DGKB: variants seen among roughly 807,000 people sequenced by gnomAD.
The protein encoded by DGKB is 90 kDa diacylglycerol kinase.
A neutral mutation model predicts 114.3 loss-of-function variants in DGKB; 67 were observed. The ratio of observed to expected loss-of-function variants is 0.59; its 90% confidence interval spans 0.48 to 0.72. The LOEUF is 0.72. DGKB is among the 30% of genes least tolerant of loss of function. The pLI is 0.00. For synonymous variants in DGKB, 398 were observed against 323.1 expected (o/e 1.23, Z -2.49); for missense variants, 907 against 975.2 (o/e 0.93, Z 0.93).
intron 21 of DGKB, among the ~76,000 whole-genome samples, chr7:14,392,233 T>C (rs551184630): frequency 1.6e-4 from 25 of 152,120 alleles, no homozygotes; most frequent in Non-Finnish European, 3.1e-4. Flanking sequence ...CTAACATATA[T>C]AGAGAAATAT....
intron 21 of DGKB, among the ~76,000 whole-genome samples, chr7:14,354,178 A>G (rs768528780): frequency 6.6e-6 from 1 of 152,186 alleles, no homozygotes; most frequent in Non-Finnish European, 1.5e-5. Context: ...TTTCTCTATA[A>G]TATAAATAGG....
intron 20 of DGKB, among the ~76,000 whole-genome samples, chr7:14,534,055 T>C (rs1202821659): frequency 1.3e-5 from 2 of 152,070 alleles, no homozygotes; most frequent in Non-Finnish European, 2.9e-5. Flanking sequence ...TTTTAAATAC[T>C]AGTAAAAAAT....
At chr7:14,653,478 G>T (rs1815055860) in intron 13 of DGKB, among the ~76,000 whole-genome samples, 1 of 151,706 alleles carries the variant, frequency 6.6e-6, no homozygotes, top group African/African-American at 2.4e-5. Flanking sequence ...ACACAGGAAG[G>T]AGAATATCAC....
intron 23 of DGKB, among the ~76,000 whole-genome samples, chr7:14,205,952 G>C (rs906649720): frequency 7.9e-5 from 12 of 151,992 alleles, no homozygotes; most frequent in Non-Finnish European, 1.6e-4. Context: ...CAGGTAGATA[G>C]AAGCAAGAAA....
At chr7:14,652,928 A>T (rs907776907) in intron 13 of DGKB, among the ~76,000 whole-genome samples, 1 of 151,838 alleles carries the variant, frequency 6.6e-6, no homozygotes, top group Non-Finnish European at 1.5e-5. Flanking sequence ...TGGCCATCAG[A>T]GAAATGCAAA....
In DGKB at chr7:14,149,295, C is replaced by A. The variant is rs184267888; in HGVS notation, c.2305-57G>T. Reference sequence around the variant, plus strand: ...GAATAGAGTAATCTCCAGATAGATACAATACCAATTTGTGAGACTCTCTGT... The same window carrying A: ...GAATAGAGTAATCTCCAGATAGATAAAATACCAATTTGTGAGACTCTCTGT... On this transcript the variant is annotated intron_variant, in intron 25 of 25. Coordinates refer to ENST00000402815, the MANE Select transcript of DGKB (RefSeq NM_001350709.2). 2.0e-5 allele frequency: 26 copies of A among 1,299,658 alleles called. No individual in the cohort carries two copies. In the Admixed American group the frequency reaches 5.0e-4, roughly 25 times the overall value. 80.5% of individuals were successfully genotyped at this position (1,299,658 alleles called of 1,614,324 possible). A position where few individuals can be genotyped will look rare whatever the true frequency, so the allele number is the denominator to read the frequency against.
chr7:14,300,610 C>T (rs1271192893), intron 23 of DGKB, among the ~76,000 whole-genome samples: 1 of 151,914 alleles, frequency 6.6e-6, no homozygotes, highest in African/African-American at 2.4e-5. Context: ...TAAATATTCT[C>T]TTAGTTTTAT....
chr7:14,704,322 C>A (rs1049754144), intron 6 of DGKB, among the ~76,000 whole-genome samples: 1 of 150,092 alleles, frequency 6.7e-6, no homozygotes, highest in Non-Finnish European at 1.5e-5. Flanking sequence ...GTGGCAGGTG[C>A]CTGTAGTCCC....
chr7:14,689,439 G>A (rs1327096893), intron 9 of DGKB, among the ~76,000 whole-genome samples: 2 of 151,846 alleles, frequency 1.3e-5, no homozygotes, highest in African/African-American at 4.8e-5. Flanking sequence ...CCAAAGTGCT[G>A]GGATTACAGG....
intron 2 of DGKB, among the ~76,000 whole-genome samples, chr7:14,792,748 A>C (rs1586549794): frequency 1.4e-5 from 2 of 147,432 alleles, no homozygotes; most frequent in African/African-American, 5.1e-5. Flanking sequence ...TTTTAGGAAA[A>C]GACACCATAT....
At position 14,146,635 on chromosome 7, in the gene DGKB, TA is replaced by T. The variant is rs1279608102; in HGVS notation, c.*2495del. 6.6e-6 allele frequency: 1 copy of T among 152,132 alleles called. No homozygotes were observed. The highest frequency in any genetic ancestry group is 2.4e-5 in the African/African-American group (1 of 41,442). 9.4% of individuals were successfully genotyped at this position (152,132 alleles called of 1,614,324 possible). On this transcript the variant is annotated 3_prime_UTR_variant, in exon 26 of 26. Coordinates refer to ENST00000402815, the MANE Select transcript of DGKB (RefSeq NM_001350709.2). ...TTTCAAACCCATCAAGTTACGTTTT[TA>T]AAAACTACTTTCCAAACCCCAGGGG...
chr7:14,871,599 G>A (rs1852467433), intron 1 of DGKB, among the ~76,000 whole-genome samples: 2 of 152,220 alleles, frequency 1.3e-5, no homozygotes, highest in South Asian at 4.1e-4. Context: ...TGATCACCTG[G>A]AATTTAGACT....
intron 25 of DGKB, 92 bp downstream of exon 25, chr7:14,176,746 GA>G (rs1187368166): frequency 3.2e-6 from 5 of 1,553,386 alleles, no homozygotes; most frequent in Admixed American, 1.9e-5. Flanking sequence ...AGGTTGAAAA[GA>G]AATAAAGAAA....
chr7:14,177,930 G>T, intron 24 of DGKB, 101 bp downstream of exon 24: 3 of 1,231,112 alleles, frequency 2.4e-6, no homozygotes, highest in Non-Finnish European at 3.3e-6. Flanking sequence ...ATTATTTGGA[G>T]CCCAAAGAAG....
intron 1 of DGKB, among the ~76,000 whole-genome samples, chr7:14,943,189 G>C (rs927569558): frequency 1.3e-5 from 2 of 151,652 alleles, no homozygotes; most frequent in African/African-American, 4.8e-5. Context: ...CTGTCTATCT[G>C]TTGTGTTATA....
chr7:14,657,255 T>C (rs1232906980), intron 13 of DGKB, among the ~76,000 whole-genome samples: 4 of 151,340 alleles, frequency 2.6e-5, no homozygotes. Context: ...ATTTGAATAG[T>C]GAGAATGTAA....
intron 5 of DGKB, among the ~76,000 whole-genome samples, chr7:14,734,531 G>T (rs942073595): frequency 6.6e-6 from 1 of 152,058 alleles, no homozygotes; most frequent in Non-Finnish European, 1.5e-5. Context: ...TTTTCAAGAG[G>T]CTATATGACA....
intron 23 of DGKB, among the ~76,000 whole-genome samples, chr7:14,213,812 T>A (rs1788526290): frequency 6.6e-6 from 1 of 152,124 alleles, no homozygotes; most frequent in African/African-American, 2.4e-5. Context: ...GTTTACCCTC[T>A]CATCATACAA....
At chr7:14,792,317 C>T (rs10281913) in intron 2 of DGKB, among the ~76,000 whole-genome samples, 1 of 151,708 alleles carries the variant, frequency 6.6e-6, no homozygotes, top group South Asian at 2.1e-4. Context: ...GTGCTTTATT[C>T]GTGTTTTAAA....
Sources: gnomAD v4.1 joint callset for allele counts (sites outside exome capture counted in the v4.1 genomes callset) on GRCh38, gnomAD v4.1.1 for gene constraint, MANE v1.5 for transcripts, NCBI Gene and HGNC (gene_info 2026-07-23, HGNC 2026-07-21) for gene names.